MTUS2: variants seen among roughly 807,000 people sequenced by gnomAD.
MTUS2 encodes the protein microtubule-associated tumor suppressor candidate 2.
MTUS2 carries 40 observed loss-of-function variants against 114.1 expected under a neutral mutation model. The ratio of observed to expected loss-of-function variants is 0.35; its 90% confidence interval spans 0.27 to 0.46. The LOEUF (loss-of-function observed/expected upper bound fraction) is 0.46. Ranked by LOEUF, MTUS2 falls within the 20% of genes least tolerant of loss-of-function variation. MTUS2 has a pLI of 1.00. For missense variants in MTUS2, 1,679 were observed against 1,705.4 expected (o/e 0.98, Z 0.27); for synonymous variants, 688 against 672.0 (o/e 1.02, Z -0.37).
At chr13:29,220,053 T>C (rs988436306) in intron 5 of MTUS2, among the ~76,000 whole-genome samples, 14 of 151,964 alleles carry the variant, frequency 9.2e-5, no homozygotes, top group Non-Finnish European at 2.1e-4. Flanking sequence ...TGGAGTGCAA[T>C]GGCACAATCT....
intron 5 of MTUS2, among the ~76,000 whole-genome samples, chr13:29,181,407 C>G (rs1893998910): frequency 6.6e-6 from 1 of 152,162 alleles, no homozygotes. Flanking sequence ...GGACCCCAAG[C>G]CTGCCCATTG....
intron 6 of MTUS2, among the ~76,000 whole-genome samples, chr13:29,288,732 G>A (rs1254913371): frequency 6.6e-6 from 1 of 152,040 alleles, no homozygotes; most frequent in Non-Finnish European, 1.5e-5. Flanking sequence ...ATGGATTCTG[G>A]GGGAGTTTTG....
intron 8 of MTUS2, among the ~76,000 whole-genome samples, chr13:29,418,619 T>G (rs151154944): frequency 6.6e-6 from 1 of 152,204 alleles, no homozygotes; most frequent in Non-Finnish European, 1.5e-5. Flanking sequence ...CCTTTAGCAG[T>G]TGAGTGCCTC....
chr13:29,000,423 C>A (rs143136025), intron 2 of MTUS2, among the ~76,000 whole-genome samples: 2,678 of 152,032 alleles, frequency 0.018, 79 homozygotes, highest in African/African-American at 0.06. Flanking sequence ...AGTGCAGTGG[C>A]GTGATCTCAG....
chr13:29,422,653 T>C (rs903408160), intron 8 of MTUS2, among the ~76,000 whole-genome samples: 70 of 139,096 alleles, frequency 5.0e-4, no homozygotes, highest in African/African-American at 1.7e-3. Context: ...CTTTTCTTTT[T>C]TTTTTTTTTT....
chr13:28,966,345 G>T (rs537612506), intron 2 of MTUS2, among the ~76,000 whole-genome samples: 1 of 152,056 alleles, frequency 6.6e-6, no homozygotes, highest in South Asian at 2.1e-4. Context: ...CAGTTTATTT[G>T]CACATTCTTT....
intron 8 of MTUS2, among the ~76,000 whole-genome samples, chr13:29,386,018 G>A (rs1238463768): frequency 3.3e-5 from 5 of 152,122 alleles, no homozygotes; most frequent in African/African-American, 1.2e-4. Context: ...AGATAAAGGA[G>A]TTACCTACAC....
intron 5 of MTUS2, among the ~76,000 whole-genome samples, chr13:29,139,743 G>A (rs1310501662): frequency 6.6e-6 from 1 of 152,100 alleles, no homozygotes; most frequent in Non-Finnish European, 1.5e-5. Flanking sequence ...AGTCATATTT[G>A]TTTTAACTGG....
intron 2 of MTUS2, among the ~76,000 whole-genome samples, chr13:28,933,864 T>C (rs911119404): frequency 5.9e-5 from 9 of 152,336 alleles, no homozygotes; most frequent in Non-Finnish European, 8.8e-5. Flanking sequence ...TAGATGAGAA[T>C]AGCCATTGGT....
intron 5 of MTUS2, among the ~76,000 whole-genome samples, chr13:29,129,648 A>G (rs573186064): frequency 5.9e-5 from 9 of 152,306 alleles, no homozygotes; most frequent in Non-Finnish European, 1.0e-4. Flanking sequence ...GATAGGAGGA[A>G]TCAGTTCTAA....
chr13:29,421,546 C>T (rs1399261790), intron 8 of MTUS2, among the ~76,000 whole-genome samples: 1 of 152,204 alleles, frequency 6.6e-6, no homozygotes, highest in Non-Finnish European at 1.5e-5. Flanking sequence ...GCTTTGACTC[C>T]TTCAAGGTCC....
intron 5 of MTUS2, among the ~76,000 whole-genome samples, chr13:29,169,038 G>C (rs1034471610): frequency 6.6e-6 from 1 of 152,080 alleles, no homozygotes; most frequent in African/African-American, 2.4e-5. Context: ...TTCTTTTTAG[G>C]TTGTGACCTG....
At chr13:28,943,353 C>A (rs1882348101) in intron 2 of MTUS2, among the ~76,000 whole-genome samples, 1 of 152,158 alleles carries the variant, frequency 6.6e-6, no homozygotes, top group Non-Finnish European at 1.5e-5. Context: ...AAAAATAAGA[C>A]AAAGTGAACC....
At chr13:29,033,293 C>T (rs573930045) in intron 3 of MTUS2, among the ~76,000 whole-genome samples, 14 of 152,252 alleles carry the variant, frequency 9.2e-5, no homozygotes, top group Non-Finnish European at 1.3e-4. Flanking sequence ...ATAACTCAGG[C>T]TCAGGTTTTT....
intron 2 of MTUS2, among the ~76,000 whole-genome samples, chr13:28,964,545 A>G (rs1166261738): frequency 1.3e-5 from 2 of 151,918 alleles, no homozygotes; most frequent in African/African-American, 2.4e-5. Flanking sequence ...ACTGCCTGGC[A>G]CTTGAGAGGT....
intron 6 of MTUS2, among the ~76,000 whole-genome samples, chr13:29,308,788 GA>G (rs1365897051): frequency 3.9e-5 from 6 of 152,068 alleles, no homozygotes; most frequent in East Asian, 1.9e-4. Flanking sequence ...ACAAACATAT[GA>G]AAAAAACCTC....
chr13:28,993,499 G>T (rs1374565117), intron 2 of MTUS2, among the ~76,000 whole-genome samples: 1 of 152,160 alleles, frequency 6.6e-6, no homozygotes, highest in African/African-American at 2.4e-5. Flanking sequence ...CCTCTTGAGG[G>T]AAGGGTGTGT....
intron 2 of MTUS2, among the ~76,000 whole-genome samples, chr13:28,914,907 A>G (rs1880661496): frequency 6.6e-6 from 1 of 151,598 alleles, no homozygotes; most frequent in South Asian, 2.1e-4. Flanking sequence ...AGAAACTAGT[A>G]TTGTGACCCC....
intron 2 of MTUS2, among the ~76,000 whole-genome samples, chr13:28,972,590 T>C (rs997086259): frequency 3.3e-5 from 5 of 152,226 alleles, no homozygotes; most frequent in African/African-American, 1.2e-4. Context: ...AGGTTAGTTT[T>C]ACCCTTTGGC....
Sources: allele counts gnomAD v4.1 joint callset (sites outside exome capture counted in the v4.1 genomes callset), GRCh38; gene constraint gnomAD v4.1.1; transcripts MANE v1.5; gene names NCBI Gene and HGNC (gene_info 2026-07-23, HGNC 2026-07-21).